Variants in PDSS2 observed in about 807,000 individuals in gnomAD.
PDSS2 encodes the protein decaprenyl diphosphate synthase subunit 2, also known as all trans-polyprenyl-diphosphate synthase PDSS2.
PDSS2 carries 31 observed loss-of-function variants against 44.5 expected under a neutral mutation model. That is an observed-to-expected ratio of 0.70 (90% CI 0.52 to 0.94). The LOEUF (loss-of-function observed/expected upper bound fraction) is 0.94. Ranked by LOEUF, PDSS2 falls within the 40% of genes least tolerant of loss-of-function variation. The pLI, the probability that PDSS2 is intolerant of heterozygous loss-of-function variation, is 0.00. For synonymous variants in PDSS2, 157 were observed against 180.3 expected (o/e 0.87, Z 1.03); for missense variants, 452 against 482.2 (o/e 0.94, Z 0.59).
At chr6:107,302,975 C>T (rs138875663) in intron 2 of PDSS2, among the ~76,000 whole-genome samples, 173 of 152,040 alleles carry the variant, frequency 1.1e-3, no homozygotes, top group African/African-American at 3.9e-3. Flanking sequence ...TTTAGTGTGG[C>T]TACTAGCAGA....
intron 6 of PDSS2, among the ~76,000 whole-genome samples, chr6:107,203,233 A>G (rs905392758): frequency 2.0e-5 from 3 of 152,162 alleles, no homozygotes; most frequent in African/African-American, 7.2e-5. Flanking sequence ...TCCTATTTCT[A>G]TTAATGGCTT....
chr6:107,449,956 G>A (rs1045938305), intron 1 of PDSS2, among the ~76,000 whole-genome samples: 44 of 152,186 alleles, frequency 2.9e-4, no homozygotes, highest in Non-Finnish European at 5.9e-4. Context: ...TGGACAACTG[G>A]GTTGCTTCTA....
intron 1 of PDSS2, among the ~76,000 whole-genome samples, chr6:107,430,532 G>A (rs1008593670): frequency 2.6e-5 from 4 of 151,542 alleles, no homozygotes; most frequent in African/African-American, 9.7e-5. Context: ...AAAAAGGACC[G>A]GGCATGGTGG....
intron 1 of PDSS2, among the ~76,000 whole-genome samples, chr6:107,380,833 T>C (rs896088840): frequency 6.6e-6 from 1 of 152,212 alleles, no homozygotes; most frequent in Admixed American, 6.5e-5. Flanking sequence ...GTTGTAGGAA[T>C]GGGAGTGACA....
chr6:107,286,865 C>T (rs1316431054), intron 2 of PDSS2, among the ~76,000 whole-genome samples: 2 of 151,944 alleles, frequency 1.3e-5, no homozygotes, highest in African/African-American at 4.8e-5. Context: ...ATGGTGAAAC[C>T]CCGGTTCTAC....
intron 1 of PDSS2, among the ~76,000 whole-genome samples, chr6:107,424,621 T>C (rs200221001): frequency 6.6e-6 from 1 of 152,168 alleles, no homozygotes; most frequent in East Asian, 1.9e-4. Context: ...ATACAGGCTG[T>C]GTAAGGCATT....
At chr6:107,356,455 G>T (rs1778600194) in intron 1 of PDSS2, among the ~76,000 whole-genome samples, 1 of 152,134 alleles carries the variant, frequency 6.6e-6, no homozygotes, top group Non-Finnish European at 1.5e-5. Flanking sequence ...AAGCTCCAGA[G>T]GTAAGGAAAA....
intron 1 of PDSS2, among the ~76,000 whole-genome samples, chr6:107,457,629 C>T (rs943799835): frequency 8.6e-5 from 13 of 152,032 alleles, no homozygotes; most frequent in African/African-American, 9.7e-5. Flanking sequence ...GGGAAAATTG[C>T]CCCAGTTGAG....
At chr6:107,173,743 CAA>C (rs1771692111) in intron 7 of PDSS2, among the ~76,000 whole-genome samples, 1 of 151,718 alleles carries the variant, frequency 6.6e-6, no homozygotes, top group Non-Finnish European at 1.5e-5. Flanking sequence ...GTCACACAGC[CAA>C]GAGAGATAGG....
intron 3 of PDSS2, among the ~76,000 whole-genome samples, chr6:107,252,536 T>C (rs1488242393): frequency 6.6e-6 from 1 of 152,222 alleles, no homozygotes; most frequent in Admixed American, 6.5e-5. Context: ...ATCTTAATTT[T>C]TAATTTAGAA....
intron 3 of PDSS2, among the ~76,000 whole-genome samples, chr6:107,250,473 A>G (rs1408593741): frequency 6.6e-6 from 1 of 152,192 alleles, no homozygotes; most frequent in Non-Finnish European, 1.5e-5. Flanking sequence ...TACATATATA[A>G]TGCATTACAC....
chr6:107,309,257 C>A (rs1189755565), intron 2 of PDSS2, among the ~76,000 whole-genome samples: 1 of 152,084 alleles, frequency 6.6e-6, no homozygotes, highest in Non-Finnish European at 1.5e-5. Flanking sequence ...AGCACAATGC[C>A]CTGCTGTGGT....
intron 1 of PDSS2, among the ~76,000 whole-genome samples, chr6:107,457,638 A>G (rs1782087813): frequency 6.6e-6 from 1 of 152,224 alleles, no homozygotes; most frequent in Admixed American, 6.5e-5. Flanking sequence ...GCCCCAGTTG[A>G]GAACCAGTGC....
At chr6:107,181,838 C>A (rs1262026950) in intron 7 of PDSS2, among the ~76,000 whole-genome samples, 2 of 146,118 alleles carry the variant, frequency 1.4e-5, no homozygotes, top group Non-Finnish European at 3.0e-5. Context: ...TGCAGTGAAC[C>A]AAGATTGTGC....
chr6:107,418,218 T>C lies in PDSS2; in HGVS notation c.296+40772A>G, dbSNP rs569739143. 9.9e-5 allele frequency among the ~76,000 whole-genome samples: 15 copies of C among 152,244 alleles called. No individual in the cohort carries two copies. The South Asian group carries it at 2.7e-3, about 27-fold the overall frequency. On this transcript the variant is annotated intron_variant, in intron 1 of 7. Coordinates refer to ENST00000369037, the MANE Select transcript of PDSS2 (RefSeq NM_020381.4). ...CTCAAGATGGGAGGATTATCCTGGATGGACCCAACATAACCACAGGGGTGC... is the reference window on the plus strand; with the variant it reads ...CTCAAGATGGGAGGATTATCCTGGACGGACCCAACATAACCACAGGGGTGC...
At chr6:107,277,507 A>T (rs1775823826) in intron 2 of PDSS2, among the ~76,000 whole-genome samples, 1 of 152,198 alleles carries the variant, frequency 6.6e-6, no homozygotes, top group Non-Finnish European at 1.5e-5. Flanking sequence ...ATAATTTAGG[A>T]AGAAGATTCC....
At chr6:107,172,268 A>T (rs1351300358) in intron 7 of PDSS2, among the ~76,000 whole-genome samples, 4 of 152,224 alleles carry the variant, frequency 2.6e-5, no homozygotes, top group Non-Finnish European at 5.9e-5. Flanking sequence ...TCTGAAAACT[A>T]TGTAGTTCAA....
chr6:107,411,879 CTTTTTTTTTTT>C (rs145161415), intron 1 of PDSS2, among the ~76,000 whole-genome samples: 2 of 93,882 alleles, frequency 2.1e-5, no homozygotes, highest in African/African-American at 4.0e-5. Flanking sequence ...TCTTCTTCTT[CTTTTTTTTTTT>C]TTTTTTTTTT....
At chr6:107,458,210 G>T (rs1782110315) in intron 1 of PDSS2, among the ~76,000 whole-genome samples, 1 of 151,300 alleles carries the variant, frequency 6.6e-6, no homozygotes, top group Admixed American at 6.6e-5. Context: ...TTTTGGCCGG[G>T]CACGGTGGCT....
Sources: gnomAD v4.1 joint callset for allele counts (sites outside exome capture counted in the v4.1 genomes callset) on GRCh38, gnomAD v4.1.1 for gene constraint, MANE v1.5 for transcripts, NCBI Gene and HGNC (gene_info 2026-07-23, HGNC 2026-07-21) for gene names.